Variants in RSPH14 observed in about 807,000 individuals in gnomAD.
RSPH14 encodes rhabdoid tumor deletion region gene 1.
A neutral mutation model predicts 26.7 loss-of-function variants in RSPH14; 20 were observed. The ratio of observed to expected loss-of-function variants is 0.75; its 90% CI spans 0.53 to 1.09. RSPH14 has a LOEUF of 1.09. RSPH14 is among the 50% of genes least tolerant of loss of function. The probability of loss-of-function intolerance (pLI) is 0.00; values close to 1 mark genes in which losing one functional copy is unlikely to be tolerated. For missense variants in RSPH14, 449 were observed against 457.2 expected, an observed-to-expected ratio of 0.98 and a Z score of 0.16; for synonymous variants, 177 against 189.3, an observed-to-expected ratio of 0.93 and a Z score of 0.53.
chr22:23,117,127 C>T (rs1273015082), intron 4 of RSPH14, among the ~76,000 whole-genome samples: 2 of 152,180 alleles, frequency 1.3e-5, no homozygotes, highest in Non-Finnish European at 1.5e-5. Flanking sequence ...TGACCCAGCA[C>T]TGAGGGCCAG....
At chr22:23,070,929 G>C (rs569385306) in intron 4 of RSPH14, among the ~76,000 whole-genome samples, 93 of 152,204 alleles carry the variant, frequency 6.1e-4, no homozygotes, top group South Asian at 3.1e-3. Context: ...GAGCCCGGGC[G>C]GGCCAGGCGA....
chr22:23,098,584 C>T (rs887734886), intron 4 of RSPH14, among the ~76,000 whole-genome samples: 1 of 152,210 alleles, frequency 6.6e-6, no homozygotes, highest in Non-Finnish European at 1.5e-5. Context: ...GGCTGGCACA[C>T]CCACCACCAT....
the RSPH14 span, chr22:23,157,864 G>A: frequency 1.9e-6 from 3 of 1,558,686 alleles, no homozygotes; most frequent in African/African-American, 2.7e-5. Context: ...ATTGTAGGAG[G>A]TTCCGGTGCT....
chr22:23,140,178 T>C (rs1374348707), intron 2 of RSPH14, 44 bp downstream of exon 2: 1 of 1,607,308 alleles, frequency 6.2e-7, no homozygotes, highest in Non-Finnish European at 8.5e-7. Context: ...CCTGAAGCCA[T>C]GCTAGGACCC....
intron 4 of RSPH14, chr22:23,095,992 C>G (rs1310716515): frequency 1.9e-6 from 3 of 1,609,692 alleles, no homozygotes; most frequent in Non-Finnish European, 1.7e-6. Flanking sequence ...ACAACCCCGA[C>G]CGCGCCTACG....
At chr22:23,065,535 A>C (rs1000017339) in intron 4 of RSPH14, among the ~76,000 whole-genome samples, 1 of 26,986 alleles carries the variant, frequency 3.7e-5, no homozygotes, top group African/African-American at 1.5e-4. Context: ...CACAGATTGC[A>C]AAAAAAAAAA....
intron 4 of RSPH14, among the ~76,000 whole-genome samples, chr22:23,104,896 G>A (rs1345079078): frequency 6.6e-6 from 1 of 152,204 alleles, no homozygotes; most frequent in Non-Finnish European, 1.5e-5. Flanking sequence ...CATGGCCCTG[G>A]GCATCTCAGG....
chr22:23,095,566 C>A, intron 4 of RSPH14: 1 of 1,016,140 alleles, frequency 9.8e-7, no homozygotes, highest in Non-Finnish European at 1.4e-6. Flanking sequence ...GGCTCGGCCT[C>A]ACCCCCCTGC....
chr22:23,159,229 T>C, the RSPH14 span: 1 of 1,601,602 alleles, frequency 6.2e-7, no homozygotes. Context: ...GCAGGCCGAG[T>C]ACTGGTCAGT....
upstream of RSPH14, chr22:23,145,086 A>T: frequency 2.0e-6 from 1 of 507,394 alleles, no homozygotes; most frequent in East Asian, 3.1e-5. Flanking sequence ...CTGCAGCTGC[A>T]GGGTGCTTGA....
At chr22:23,111,077 G>A (rs760033861) in intron 4 of RSPH14, among the ~76,000 whole-genome samples, 2 of 152,298 alleles carry the variant, frequency 1.3e-5, no homozygotes, top group East Asian at 3.9e-4. Context: ...TTTGCTGGGG[G>A]GCCTGCGCGC....
At chr22:23,154,744 C>G in the RSPH14 span, among the ~76,000 whole-genome samples, 1,491 of 152,300 alleles carry the variant, frequency 9.8e-3, 28 homozygotes, top group African/African-American at 0.034. Context: ...GCTCCTCCCC[C>G]AGAGTCTTCA....
the RSPH14 span, among the ~76,000 whole-genome samples, chr22:23,171,352 C>A: frequency 2.0e-5 from 3 of 152,136 alleles, no homozygotes; most frequent in Non-Finnish European, 2.9e-5. Flanking sequence ...CATACTGATG[C>A]TGAACTTAGT....
intron 4 of RSPH14, among the ~76,000 whole-genome samples, chr22:23,132,249 A>C (rs2070372675): frequency 6.6e-6 from 1 of 152,168 alleles, no homozygotes; most frequent in South Asian, 2.1e-4. Context: ...CTGGGCTACA[A>C]TATCTGTTTG....
At chr22:23,107,734 G>A (rs919821362) in intron 4 of RSPH14, among the ~76,000 whole-genome samples, 12 of 152,180 alleles carry the variant, frequency 7.9e-5, no homozygotes, top group African/African-American at 2.7e-4. Flanking sequence ...GGGGTTGGCC[G>A]CAGGGTGTGA....
At chr22:23,161,035 G>C in the RSPH14 span, 1 of 1,560,914 alleles carries the variant, frequency 6.4e-7, no homozygotes, top group East Asian at 2.3e-5. Flanking sequence ...CTGGGGAGTA[G>C]GCTGGAGGCC....
intron 4 of RSPH14, 88 bp from the exon 5 acceptor site, chr22:23,064,221 T>G: frequency 8.0e-7 from 1 of 1,247,172 alleles, no homozygotes; most frequent in Non-Finnish European, 1.1e-6. Context: ...AGGAGGGTCT[T>G]GCAGAACCAG....
At chr22:23,173,132 CTTT>C in the RSPH14 span, among the ~76,000 whole-genome samples, 3 of 151,806 alleles carry the variant, frequency 2.0e-5, no homozygotes, top group African/African-American at 4.8e-5. Flanking sequence ...TTCTTTCTTT[CTTT>C]TTTTCTTTTT....
At chr22:23,130,089 AAGAAAG>A (rs1555939500) in intron 4 of RSPH14, among the ~76,000 whole-genome samples, 46 of 19,130 alleles carry the variant, frequency 2.4e-3, no homozygotes, top group African/African-American at 4.7e-3. Context: ...GAAAGGAAGA[AAGAAAG>A]AAAGAAAGAA....
Sources: gnomAD v4.1 joint callset for allele counts (sites outside exome capture counted in the v4.1 genomes callset) on GRCh38, gnomAD v4.1.1 for gene constraint, MANE v1.5 for transcripts, NCBI Gene and HGNC (gene_info 2026-07-23, HGNC 2026-07-21) for gene names.